DSC1: variants seen among roughly 807,000 people sequenced by gnomAD.
DSC1 encodes desmocollin 1.
In DSC1, 79 loss-of-function variants were observed where a neutral mutation model predicts 98.8. The ratio of observed to expected loss-of-function variants is 0.80; its 90% CI spans 0.67 to 0.96. DSC1 has a LOEUF of 0.96. Among genes scored for constraint, DSC1 ranks in the 50% least tolerant of loss-of-function variants. DSC1 has a pLI of 0.00. For missense variants in DSC1, 1,115 were observed against 1,075.9 expected (o/e 1.04, Z -0.51); for synonymous variants, 405 against 372.1 (o/e 1.09, Z -1.02).
At chr18:31,147,195 A>ATATCTTTT (rs1988864106) in intron 6 of DSC1, among the ~76,000 whole-genome samples, 1 of 152,010 alleles carries the variant, frequency 6.6e-6, no homozygotes, top group African/African-American at 2.4e-5. Flanking sequence ...CAAAAAAGGC[A>ATATCTTTT]ATGTATATGT....
At chr18:31,157,125 A>G (rs1406909137) in intron 3 of DSC1, among the ~76,000 whole-genome samples, 1 of 152,196 alleles carries the variant, frequency 6.6e-6, no homozygotes, top group Non-Finnish European at 1.5e-5. Context: ...TGAAATCACT[A>G]TTAGAAAACT....
intron 11 of DSC1, among the ~76,000 whole-genome samples, chr18:31,135,458 G>A (rs943391972): frequency 4.6e-5 from 7 of 152,134 alleles, no homozygotes; most frequent in African/African-American, 1.2e-4. Context: ...TTCACCTTGA[G>A]AGCCTAGTGA....
At chr18:31,133,787 A>C in intron 13 of DSC1, 104 bp downstream of exon 13, 1 of 1,161,616 alleles carries the variant, frequency 8.6e-7, no homozygotes, top group Non-Finnish European at 1.2e-6. Context: ...TTTTAAAAGA[A>C]CACACTTCCC....
chr18:31,161,963 C>T (rs902554690), intron 1 of DSC1, among the ~76,000 whole-genome samples: 5 of 152,092 alleles, frequency 3.3e-5, no homozygotes, highest in Admixed American at 6.5e-5. Flanking sequence ...AAAAATAGCA[C>T]CTTACACAGT....
At position 31,142,054 on chromosome 18, in the gene DSC1, T is replaced by C. The variant is rs1988748377; in HGVS notation, c.1205A>G (p.Asn402Ser). Residue 402 changes from asparagine to serine, a missense_variant, in exon 9 of 16, where the codon AAC becomes AGC. Transcript: ENST00000257198. ...ATTTGGATCTGTGCTAATTATGAAG[T>C]TTCCATTTTCATTTCCTTGTAGGAT... Reference protein sequence around the residue: ...YKILQGNENGNFIISTDPNTN... With the variant: ...YKILQGNENGSFIISTDPNTN... 2 of 1,612,778 alleles carry C rather than the reference T, an allele frequency of 1.2e-6. No individual in the cohort carries two copies. Among genetic ancestry groups the C allele is most frequent in the African/African-American group, 1.3e-5 (1 of 74,968 alleles).
At position 31,130,509 on chromosome 18, in the gene DSC1, C is replaced by T. The variant is rs1988460598; in HGVS notation, c.*5G>A. On this transcript the variant is annotated 3_prime_UTR_variant, in exon 16 of 16. Transcript: ENST00000257198. ...CTGTGGATATTACACTATTAAAAGG[C>T]ACATTTATTTCTTGATGCATGTCTT... 2 of 1,613,862 alleles carry T rather than the reference C, an allele frequency of 1.2e-6. No individual in the cohort carries two copies. The highest frequency in any genetic ancestry group is 1.3e-5 in the African/African-American group (1 of 74,916).
rs1204135607 is a variant in DSC1 at position 31,129,785 on chromosome 18, ATCT to A, written c.*726_*728del. 3 of 152,194 alleles carry A rather than the reference ATCT, an allele frequency of 2.0e-5. No individual in the cohort carries two copies. The highest frequency in any genetic ancestry group is 7.2e-5 in the African/African-American group (3 of 41,434). The allele number at this position is 152,194 out of a possible 1,614,324, so 9.4% of individuals were successfully genotyped here. On this transcript the variant is annotated 3_prime_UTR_variant, in exon 16 of 16. Transcript: ENST00000257198. ...TCAGGGCTGCAATTCTTTCATGGAA[ATCT>A]TCTCATGTAATCTTCATAAAATCTC...
rs542537494 is a variant in DSC1 at position 31,157,541 on chromosome 18, G to A, written c.181C>T (p.Leu61=). 1.2e-6 allele frequency: 2 copies of A among 1,614,198 alleles called. No homozygotes were observed. Among genetic ancestry groups the A allele is most frequent in the Non-Finnish European group, 1.7e-6 (2 of 1,180,022 alleles). ...AAGGCAGGGTCACTGGACCGGATTA[G>A]GCTGGCCGACTTGAGACACTCCTCC... is the stretch of plus-strand genomic sequence containing the variant. ...NLEECLKSAS[L]IRSSDPAFRI... The change falls in exon 3 of 16, where the codon CTA becomes TTA. Residue 61 remains leucine (L), a synonymous_variant. Coordinates refer to ENST00000257198, the MANE Select transcript of DSC1 (RefSeq NM_024421.2).
Position 31,130,402 on chromosome 18 carries a change from CA to C in DSC1, c.*111del. On this transcript the variant is annotated 3_prime_UTR_variant, in exon 16 of 16. Coordinates refer to ENST00000257198, the MANE Select transcript of DSC1 (RefSeq NM_024421.2). ...CATATTTATAGTACCCTTACCTATACATGACAAAGTTTACCTCCATAAACAA... is the reference window on the plus strand; with the variant it reads ...CATATTTATAGTACCCTTACCTATACTGACAAAGTTTACCTCCATAAACAA... 1 of 1,152,122 alleles carries C rather than the reference CA, an allele frequency of 8.7e-7. No homozygotes were observed. The highest frequency in any genetic ancestry group is 1.3e-6 in the Non-Finnish European group (1 of 793,712). The allele number at this position is 1,152,122 out of a possible 1,614,324, so 71.4% of individuals were successfully genotyped here. A position where few individuals can be genotyped will look rare whatever the true frequency, so the allele number is the denominator to read the frequency against.
intron 5 of DSC1, among the ~76,000 whole-genome samples, chr18:31,151,230 T>C (rs1246700627): frequency 6.6e-6 from 1 of 152,236 alleles, no homozygotes; most frequent in Non-Finnish European, 1.5e-5. Flanking sequence ...GACTCAGAGT[T>C]GGTGATTTTA....
chr18:31,154,968 A>G (rs1273041451), intron 4 of DSC1, 39 bp from the exon 5 acceptor site: 7 of 1,603,836 alleles, frequency 4.4e-6, no homozygotes, highest in Non-Finnish European at 6.0e-6. Flanking sequence ...ATACGTCATG[A>G]TGAATATTTT....
chr18:31,130,356 AAG>A lies in DSC1; in HGVS notation c.*156_*157del. On this transcript the variant is annotated 3_prime_UTR_variant, in exon 16 of 16. Coordinates refer to ENST00000257198, the MANE Select transcript of DSC1 (RefSeq NM_024421.2). Reference sequence around the variant, plus strand: ...AGAGAACATGGAAGTTATACCAGACAAGGAGAATGTAGGGGAATCTCATATTT... The same window carrying A: ...AGAGAACATGGAAGTTATACCAGACAGAGAATGTAGGGGAATCTCATATTT... 2 of 741,380 alleles carry A rather than the reference AAG, an allele frequency of 2.7e-6. No homozygotes were observed. Among genetic ancestry groups the A allele is most frequent in the African/African-American group, 3.5e-5 (2 of 56,414 alleles). The allele number at this position is 741,380 out of a possible 1,614,324, so 45.9% of individuals were successfully genotyped here.
rs1284822490 is a variant in DSC1 at position 31,131,668 on chromosome 18, C to T, written c.2413G>A (p.Gly805Arg). ...CTGCCAGTATCTCCCTGCCCCACTC[C>T]CTTGACGGACTCCAAGGTCTGATGT... is the stretch of plus-strand genomic sequence containing the variant. ...GGHQTLESVK[G>R]VGQGDTGRYA... is the part of the protein sequence containing the mutation. Residue 805 changes from glycine to arginine, a missense_variant, in exon 15 of 16, where the codon GGA becomes AGA. By Grantham distance (125) the Gly-to-Arg change is moderately radical. Transcript: ENST00000257198. 15 of 1,614,080 alleles carry T rather than the reference C, an allele frequency of 9.3e-6. No individual in the cohort carries two copies. The highest frequency in any genetic ancestry group is 1.2e-5 in the Non-Finnish European group (14 of 1,179,980).
intron 8 of DSC1, among the ~76,000 whole-genome samples, chr18:31,143,238 T>A (rs1366022811): frequency 6.6e-6 from 1 of 151,968 alleles, no homozygotes; most frequent in East Asian, 1.9e-4. Context: ...AGCCAGCCTG[T>A]ACTACTGTCT....
rs560889140 is a variant in DSC1, at chr18:31,159,047, G to GTTTTTTTTTTTTTTTTTT, written c.148+397_148+398insAAAAAAAAAAAAAAAAAA. Among the ~76,000 whole-genome samples the GTTTTTTTTTTTTTTTTTT allele has an allele frequency of 3.7e-4, 26 of 71,064 alleles. 5 individuals are homozygous for GTTTTTTTTTTTTTTTTTT. Among genetic ancestry groups the GTTTTTTTTTTTTTTTTTT allele is most frequent in the African/African-American group, 8.7e-4 (15 of 17,186 alleles). 46.6% of individuals were successfully genotyped at this position (71,064 alleles called of 152,430 possible). A position where few individuals can be genotyped will look rare whatever the true frequency, so the allele number is the denominator to read the frequency against. On this transcript the variant is annotated intron_variant, in intron 2 of 15. Transcript: ENST00000257198. Reference sequence around the variant, plus strand: ...TTTAACTTCAAGTAGCTACTATGTGGTTTTTTTTTTTTTTTTTGAGACAGA... The same window carrying GTTTTTTTTTTTTTTTTTT: ...TTTAACTTCAAGTAGCTACTATGTGGTTTTTTTTTTTTTTTTTTTTTTTTTTTTTTTTTTTGAGACAGA...
chr18:31,143,896 T>A, intron 7 of DSC1, 105 bp from the exon 8 acceptor site: 1 of 818,246 alleles, frequency 1.2e-6, no homozygotes, highest in Non-Finnish European at 1.7e-6. Flanking sequence ...ATATTCTTTT[T>A]TACTTTTTCT....
rs905726275 is a variant in DSC1, at chr18:31,157,527, A to G, written c.195T>C (p.Ser65=). Residue 65 remains serine (S), a synonymous_variant, in exon 3 of 16, where the codon AGT becomes AGC. Coordinates refer to ENST00000257198, the MANE Select transcript of DSC1 (RefSeq NM_024421.2). ...CTTCTAGAATTCTGAAGGCAGGGTC[A>G]CTGGACCGGATTAGGCTGGCCGACT... is the stretch of plus-strand genomic sequence containing the variant. The part of the protein sequence containing the change: ...CLKSASLIRS[S]DPAFRILEDG... 8 of 1,614,128 alleles carry G rather than the reference A, an allele frequency of 5.0e-6. No individual in the cohort carries two copies. Among genetic ancestry groups the G allele is most frequent in the African/African-American group, 1.3e-5 (1 of 74,938 alleles).
rs953607391 is a variant in DSC1, at chr18:31,134,561, T to C, written c.1876+11A>G. Reference sequence around the variant, plus strand: ...TCCGTATTGACTATAAAATTTAGCATGATTACATACCATCCTTTTCTTCTA... The same window carrying C: ...TCCGTATTGACTATAAAATTTAGCACGATTACATACCATCCTTTTCTTCTA... On this transcript the variant is annotated intron_variant, in intron 12 of 15. Coordinates refer to ENST00000257198, the MANE Select transcript of DSC1 (RefSeq NM_024421.2). 1 of 1,592,520 alleles carries C rather than the reference T, an allele frequency of 6.3e-7. No individual in the cohort carries two copies. The highest frequency in any genetic ancestry group is 8.6e-7 in the Non-Finnish European group (1 of 1,165,782).
chr18:31,130,856 A>C, intron 15 of DSC1, 145 bp from the exon 16 acceptor site: 6 of 1,606,548 alleles, frequency 3.7e-6, no homozygotes, highest in Non-Finnish European at 5.1e-6. Flanking sequence ...TAAAAAATGC[A>C]CAGGATTGGT....
Sources: gnomAD v4.1 joint callset for allele counts (sites outside exome capture counted in the v4.1 genomes callset) on GRCh38, gnomAD v4.1.1 for gene constraint, MANE v1.5 for transcripts, NCBI Gene and HGNC (gene_info 2026-07-23, HGNC 2026-07-21) for gene names.